Variants in APOBR observed in about 807,000 individuals in gnomAD.
The protein encoded by APOBR is apoB-48R.
A neutral mutation model predicts 88.5 loss-of-function variants in APOBR; 57 were observed. The observed-to-expected ratio is 0.64, with a 90% CI of 0.52 to 0.80. APOBR has a LOEUF of 0.80. APOBR is among the 30% of genes least tolerant of loss of function. APOBR has a pLI of 0.00. For missense variants in APOBR, 1,443 were observed against 1,401.6 expected (o/e 1.03, Z -0.47); for synonymous variants, 588 against 572.7 (o/e 1.03, Z -0.38).
In APOBR at chr16:28,497,006, C is replaced by T. The variant is rs1203789279; in HGVS notation, c.1965C>T (p.Gly655=). 6.4e-7 allele frequency: 1 copy of T among 1,573,030 alleles called. No homozygotes were observed. Among genetic ancestry groups the T allele is most frequent in the Admixed American group, 1.9e-5 (1 of 53,080 alleles). The change falls in exon 2 of 4, where the codon GGC becomes GGT. Residue 655 remains glycine, a synonymous_variant. Coordinates refer to ENST00000564831, the MANE Select transcript of APOBR (RefSeq NM_018690.4). ...EQREEEETAG[G]QTLAAEAEGD... ...GGGAGGAGGAGGAGACTGCGGGAGGCCAGACCCTGGCGGCTGAGGCTGAAG... is the reference window on the plus strand; with the variant it reads ...GGGAGGAGGAGGAGACTGCGGGAGGTCAGACCCTGGCGGCTGAGGCTGAAG...
rs1288526073 is a variant in APOBR at position 28,495,418 on chromosome 16, C to CTGCCAGG, written c.385_391dup (p.Glu131ValfsTer36). The CTGCCAGG allele has an allele frequency of 1.3e-6, 2 of 1,560,838 alleles. No homozygotes were observed. Among genetic ancestry groups the CTGCCAGG allele is most frequent in the East Asian group, 2.4e-5 (1 of 41,738 alleles). On this transcript the variant is annotated frameshift_variant, in exon 2 of 4. Transcript: ENST00000564831. LOFTEE classifies it high-confidence loss of function. ...AGTGGGGCTGGGGAGACAGCCAAGG[C>CTGCCAGG]TGCCAGGTGCCAGGAGCCAAGCGCC...
Position 28,498,252 on chromosome 16 carries a change from GAGCAGAGACCCCTCC to G in APOBR, c.3131_3145del (p.Gln1044_Gln1048del). On this transcript the variant is annotated inframe_deletion, in exon 3 of 4. Transcript: ENST00000564831. Reference sequence around the variant, plus strand: ...TCCTGAGGAGGAGCTGTCAGCTCCTGAGCAGAGACCCCTCCAGCTGGAGGAACCCCTGGAGCCAAG... The same window carrying G: ...TCCTGAGGAGGAGCTGTCAGCTCCTGAGCTGGAGGAACCCCTGGAGCCAAG... The G allele has an allele frequency of 6.2e-7, 1 of 1,607,340 alleles. No individual in the cohort carries two copies.
chr16:28,497,096 C>T lies in APOBR; in HGVS notation c.2055C>T (p.Asp685=), dbSNP rs781503615. The change falls in exon 2 of 4, where the codon GAC becomes GAT. Residue 685 remains aspartate (D), a synonymous_variant. Transcript: ENST00000564831. ...GCGGGGAGGGGCTGACAACCCAGGA[C>T]GCGGGATGTGGAACTGAGGAGGGAG... is the stretch of plus-strand genomic sequence containing the variant. ...EAGGEGLTTQ[D]AGCGTEEGEA... 133 of 1,599,754 alleles carry T rather than the reference C, an allele frequency of 8.3e-5. No homozygotes were observed. The highest frequency in any genetic ancestry group is 2.0e-4 in the African/African-American group (15 of 74,696).
At position 28,497,237 on chromosome 16, in the gene APOBR, T is replaced by A; in HGVS notation, c.2196T>A (p.Ala732=). The A allele has an allele frequency of 1.3e-6, 2 of 1,591,582 alleles. No individual in the cohort carries two copies. The highest frequency in any genetic ancestry group is 1.3e-5 in the African/African-American group (1 of 74,628). ...AAACTGAGGATGAGGAGGCGGAGGC[T>A]GACAGAACATCCAGAAGAGGCTGGA... ...ARETEDEEAE[A]DRTSRRGWRL... is the part of the protein sequence containing the mutation. Residue 732 remains alanine (A), a synonymous_variant, in exon 2 of 4, where the codon GCT becomes GCA. Coordinates refer to ENST00000564831, the MANE Select transcript of APOBR (RefSeq NM_018690.4).
At position 28,498,155 on chromosome 16, in the gene APOBR, G is replaced by GC; in HGVS notation, c.3031dup (p.Arg1011ProfsTer26). ...TGCACCTCTCGAGAAGCTCCTCACA[G>GC]CGTCGCTCCCGGCCCTCTTTTCGTC... On this transcript the variant is annotated frameshift_variant, in exon 3 of 4. Transcript: ENST00000564831. LOFTEE classifies it high-confidence loss of function. 1.9e-6 allele frequency: 3 copies of GC among 1,600,368 alleles called. No individual in the cohort carries two copies. The highest frequency in any genetic ancestry group is 1.7e-4 in the Middle Eastern group (1 of 6,056).
chr16:28,497,879 G>A lies in APOBR; in HGVS notation c.2838G>A (p.Gln946=), dbSNP rs2046405893. 1 of 1,613,068 alleles carries A rather than the reference G, an allele frequency of 6.2e-7. No homozygotes were observed. The highest frequency in any genetic ancestry group is 8.5e-7 in the Non-Finnish European group (1 of 1,179,522). The part of the protein sequence containing the change: ...EPESLEHVRG[Q]EEQPTHQAPA... The stretch of plus-strand genomic sequence containing the variant: ...AAAGCCTGGAACATGTCAGGGGCCA[G>A]GAGGAGCAGCCAACACACCAGGCCC... The change falls in exon 2 of 4, where the codon CAG becomes CAA. Residue 946 remains glutamine, a synonymous_variant. Transcript: ENST00000564831.
rs375569550 is a variant in APOBR, at chr16:28,498,029, G to A, written c.2955+33G>A. On this transcript the variant is annotated intron_variant, in intron 2 of 3. Coordinates refer to ENST00000564831, the MANE Select transcript of APOBR (RefSeq NM_018690.4). ...CTCTTGGTGGGGTCTCGGGGGGAACGAGTGGAATCCCGAAGCCGGCCCCAT... is the reference window on the plus strand; with the variant it reads ...CTCTTGGTGGGGTCTCGGGGGGAACAAGTGGAATCCCGAAGCCGGCCCCAT... 4.1e-5 allele frequency: 63 copies of A among 1,553,120 alleles called. 2 individuals carry two copies. In the South Asian group the frequency reaches 4.9e-4, roughly 12 times the overall value.
rs755751361 is a variant in APOBR, at chr16:28,496,653, G to A, written c.1612G>A (p.Glu538Lys). 90 of 1,601,940 alleles carry A rather than the reference G, an allele frequency of 5.6e-5. No individual in the cohort carries two copies. The highest frequency in any genetic ancestry group is 7.5e-5 in the Non-Finnish European group (88 of 1,173,344). Residue 538 changes from glutamate (E) to lysine (K), a missense_variant, in exon 2 of 4, where the codon GAG becomes AAG. Coordinates refer to ENST00000564831, the MANE Select transcript of APOBR (RefSeq NM_018690.4). Reference protein sequence around the residue: ...PEEELTGEESEAAQTSCGLLG... With the variant: ...PEEELTGEESKAAQTSCGLLG... ...GGAGGAGCTCACAGGGGAGGAGAGT[G>A]AGGCGGCCCAGACTAGCTGTGGCCT...
rs1315510638 is a variant in APOBR at position 28,497,215 on chromosome 16, C to G, written c.2174C>G (p.Thr725Ser). Residue 725 changes from threonine to serine, a missense_variant, in exon 2 of 4, where the codon ACT becomes AGT. Physicochemically the swap from Thr to Ser is moderately conservative, Grantham distance 58 (BLOSUM62 1). Coordinates refer to ENST00000564831, the MANE Select transcript of APOBR (RefSeq NM_018690.4). ...PSLGEAYARE[T>S]EDEEAEADRT... is the part of the protein sequence containing the mutation. ...CTGGGAGAGGCCTATGCCAGAGAAA[C>G]TGAGGATGAGGAGGCGGAGGCTGAC... 6.3e-7 allele frequency: 1 copy of G among 1,594,694 alleles called. No individual in the cohort carries two copies. Among genetic ancestry groups the G allele is most frequent in the Non-Finnish European group, 8.5e-7 (1 of 1,171,108 alleles).
Position 28,498,212 on chromosome 16 carries a change from C to G in APOBR, c.3087C>G (p.Pro1029=), listed in dbSNP as rs1401344530. 1.9e-6 allele frequency: 3 copies of G among 1,606,702 alleles called. No individual in the cohort carries two copies. Among genetic ancestry groups the G allele is most frequent in the Admixed American group, 1.7e-5 (1 of 59,374 alleles). The change falls in exon 3 of 4, where the codon CCC becomes CCG. Residue 1029 remains proline, a synonymous_variant. Transcript: ENST00000564831. Reference sequence around the variant, plus strand: ...CGGCCTGGGAGCAGCAGGAGGAGCCCCCAGCCCCCAACCCTCCTGAGGAGG... The same window carrying G: ...CGGCCTGGGAGCAGCAGGAGGAGCCGCCAGCCCCCAACCCTCCTGAGGAGG... The part of the protein sequence containing the change: ...RTPAWEQQEE[P]PAPNPPEEEL...
Position 28,498,146 on chromosome 16 carries a change from C to T in APOBR, c.3021C>T (p.Ser1007=). 1 of 1,599,300 alleles carries T rather than the reference C, an allele frequency of 6.3e-7. No homozygotes were observed. The highest frequency in any genetic ancestry group is 1.1e-5 in the South Asian group (1 of 90,858). ...GGAGTCGCGTGCACCTCTCGAGAAG[C>T]TCCTCACAGCGTCGCTCCCGGCCCT... ...VPRSRVHLSR[S]SSQRRSRPSF... Residue 1007 remains serine, a synonymous_variant, in exon 3 of 4, where the codon AGC becomes AGT. Coordinates refer to ENST00000564831, the MANE Select transcript of APOBR (RefSeq NM_018690.4).
chr16:28,497,346 G>A lies in APOBR; in HGVS notation c.2305G>A (p.Val769Met), dbSNP rs377073634. ...SVAAGIMGGDVVPHISAAGAG... is the reference protein window; with the variant it reads ...SVAAGIMGGDMVPHISAAGAG... ...GGCTGCTGGGATTATGGGGGGTGAT[G>A]TGGTCCCACACATCAGCGCTGCTGG... The change falls in exon 2 of 4, where the codon GTG becomes ATG. Residue 769 changes from valine to methionine, a missense_variant. Coordinates refer to ENST00000564831, the MANE Select transcript of APOBR (RefSeq NM_018690.4). 6.8e-6 allele frequency: 11 copies of A among 1,607,912 alleles called. No homozygotes were observed. In the African/African-American group the frequency reaches 1.5e-4, roughly 21 times the overall value.
Position 28,497,037 on chromosome 16 carries a change from CG to C in APOBR, c.1997del (p.Arg666GlnfsTer16), listed in dbSNP as rs1316439886. Reference sequence around the variant, plus strand: ...CCTGGCGGCTGAGGCTGAAGGAGACCGAGAGTCTGAACTATCAGAAGTCCCA... The same window carrying C: ...CCTGGCGGCTGAGGCTGAAGGAGACCAGAGTCTGAACTATCAGAAGTCCCA... ...QTLAAEAEGD[R>X]ESELSEVPEA... On this transcript the variant is annotated frameshift_variant, in exon 2 of 4. Transcript: ENST00000564831. LOFTEE classifies it high-confidence loss of function. The C allele has an allele frequency of 6.3e-7, 1 of 1,584,532 alleles. No individual in the cohort carries two copies. Among genetic ancestry groups the C allele is most frequent in the Admixed American group, 1.8e-5 (1 of 54,560 alleles).
chr16:28,498,212 C>A lies in APOBR; in HGVS notation c.3087C>A (p.Pro1029=). ...RTPAWEQQEE[P]PAPNPPEEEL... is the part of the protein sequence containing the mutation. ...CGGCCTGGGAGCAGCAGGAGGAGCC[C>A]CCAGCCCCCAACCCTCCTGAGGAGG... is the stretch of plus-strand genomic sequence containing the variant. Residue 1029 remains proline, a synonymous_variant, in exon 3 of 4, where the codon CCC becomes CCA. Transcript: ENST00000564831. The A allele has an allele frequency of 6.2e-7, 1 of 1,606,702 alleles. No homozygotes were observed.
chr16:28,498,271 T>C lies in APOBR; in HGVS notation c.3146T>C (p.Leu1049Pro), dbSNP rs1481320502. The C allele has an allele frequency of 1.9e-6, 3 of 1,605,014 alleles. No homozygotes were observed. Among genetic ancestry groups the C allele is most frequent in the African/African-American group, 2.7e-5 (2 of 74,664 alleles). ...GCTCCTGAGCAGAGACCCCTCCAGC[T>C]GGAGGAACCCCTGGAGCCAAGCCCT... ...LSAPEQRPLQ[L>P]EEPLEPSPLR... is the part of the protein sequence containing the mutation. Residue 1049 changes from leucine (L) to proline (P), a missense_variant, in exon 3 of 4, where the codon CTG becomes CCG. Coordinates refer to ENST00000564831, the MANE Select transcript of APOBR (RefSeq NM_018690.4).
chr16:28,494,843 C>G (rs929797628), intron 1 of APOBR, 105 bp downstream of exon 1: 1 of 1,159,280 alleles, frequency 8.6e-7, no homozygotes, highest in African/African-American at 1.5e-5. Context: ...CTTCTGATCT[C>G]CTCAAACTGG....
chr16:28,498,501 A>G lies in APOBR; in HGVS notation c.3290A>G (p.Gln1097Arg), dbSNP rs568567061. The change falls in exon 4 of 4, where the codon CAG becomes CGG. Residue 1097 changes from glutamine to arginine, a missense_variant. Gln to Arg is a conservative substitution (Grantham distance 43). Coordinates refer to ENST00000564831, the MANE Select transcript of APOBR (RefSeq NM_018690.4). Reference protein sequence around the residue: ...LQARLGRPKPQ With the variant: ...LQARLGRPKPR ...GCCCGTCTGGGCCGGCCTAAGCCCC[A>G]GTGACTGAGACCCGGTGCTCTGGGA... 1.8e-5 allele frequency: 29 copies of G among 1,595,422 alleles called. 1 individual carries two copies. In the East Asian group the frequency reaches 4.6e-4, roughly 25 times the overall value.
At position 28,497,153 on chromosome 16, in the gene APOBR, C is replaced by T. The variant is rs368338951; in HGVS notation, c.2112C>T (p.Asp704=). The part of the protein sequence containing the change: ...EASVSENQEL[D]GSTGADAGPC... Reference sequence around the variant, plus strand: ...CTGTCTCAGAGAACCAGGAGCTGGACGGAAGCACAGGGGCAGACGCAGGGC... The same window carrying T: ...CTGTCTCAGAGAACCAGGAGCTGGATGGAAGCACAGGGGCAGACGCAGGGC... The change falls in exon 2 of 4, where the codon GAC becomes GAT. Residue 704 remains aspartate (D), a synonymous_variant. Transcript: ENST00000564831. 72 of 1,606,088 alleles carry T rather than the reference C, an allele frequency of 4.5e-5. No homozygotes were observed. In the African/African-American group the frequency reaches 7.2e-4, roughly 16 times the overall value.
Position 28,498,293 on chromosome 16 carries a change from C to A in APOBR, c.3168C>A (p.Ser1056Arg). 1 of 1,602,614 alleles carries A rather than the reference C, an allele frequency of 6.2e-7. No individual in the cohort carries two copies. The highest frequency in any genetic ancestry group is 8.5e-7 in the Non-Finnish European group (1 of 1,175,034). The change falls in exon 3 of 4, where the codon AGC becomes AGA. Residue 1056 changes from serine (S) to arginine (R), a missense_variant. Transcript: ENST00000564831. Reference sequence around the variant, plus strand: ...AGCTGGAGGAACCCCTGGAGCCAAGCCCTCTGAGGCATGATGGGACCCCGG... The same window carrying A: ...AGCTGGAGGAACCCCTGGAGCCAAGACCTCTGAGGCATGATGGGACCCCGG... ...PLQLEEPLEPSPLRHDGTPVP... is the reference protein window; with the variant it reads ...PLQLEEPLEPRPLRHDGTPVP...
Sources: gnomAD v4.1 joint callset for allele counts on GRCh38, gnomAD v4.1.1 for gene constraint, MANE v1.5 for transcripts, NCBI Gene and HGNC (gene_info 2026-07-23, HGNC 2026-07-21) for gene names.